Variants in LPAR3 observed in about 807,000 individuals in gnomAD.
LPAR3 encodes the protein LPA receptor 3.
In LPAR3, 7 loss-of-function variants were observed where a neutral mutation model predicts 17.8. The ratio of observed to expected loss-of-function variants is 0.39; its 90% CI spans 0.22 to 0.74. The LOEUF (loss-of-function observed/expected upper bound fraction) is 0.74. Among genes scored for constraint, LPAR3 ranks in the 30% least tolerant of loss-of-function variants. The pLI is 0.40. For synonymous variants in LPAR3, 179 were observed against 179.9 expected (o/e 0.99, Z 0.04); for missense variants, 391 against 453.4 (o/e 0.86, Z 1.25).
chr1:84,866,779 C>T (rs1266157886), intron 1 of LPAR3, among the ~76,000 whole-genome samples: 1 of 152,206 alleles, frequency 6.6e-6, no homozygotes, highest in African/African-American at 2.4e-5. Context: ...TTTCAACAAA[C>T]AACTCTGATA....
At chr1:84,828,108 ATCTC>A (rs1004998898) in intron 2 of LPAR3, among the ~76,000 whole-genome samples, 4 of 151,578 alleles carry the variant, frequency 2.6e-5, no homozygotes, top group African/African-American at 7.3e-5. Context: ...AAACACATTC[ATCTC>A]TCTCTCTCTC....
chr1:84,851,900 AT>A (rs1455693665), intron 2 of LPAR3, among the ~76,000 whole-genome samples: 1 of 152,174 alleles, frequency 6.6e-6, no homozygotes, highest in Non-Finnish European at 1.5e-5. Flanking sequence ...TTTTAGGAAA[AT>A]GCCTCAGCTG....
chr1:84,840,694 A>C (rs1378007603), intron 2 of LPAR3, among the ~76,000 whole-genome samples: 1 of 152,228 alleles, frequency 6.6e-6, no homozygotes, highest in Non-Finnish European at 1.5e-5. Context: ...AGTCATTGAC[A>C]TTGAAAAAAA....
intron 1 of LPAR3, among the ~76,000 whole-genome samples, chr1:84,891,208 CAA>C (rs1280387128): frequency 2.1e-4 from 32 of 149,640 alleles, no homozygotes; most frequent in Admixed American, 2.1e-3. Flanking sequence ...AAGGTTTAGA[CAA>C]GAGGAGTGTC....
chr1:84,813,158 T>TATATATATATAGAGAGAGAGAG lies in LPAR3; in HGVS notation c.*687_*688insCTCTCTCTCTCTATATATATAT. On this transcript the variant is annotated 3_prime_UTR_variant, in exon 3 of 3. Transcript: ENST00000370611. ...ATATATATATATATATATATATATA[T>TATATATATATAGAGAGAGAGAG]AGACACACACACACACACACACACA... 4 of 101,694 alleles carry TATATATATATAGAGAGAGAGAG rather than the reference T, an allele frequency of 3.9e-5. No homozygotes were observed. Among genetic ancestry groups the TATATATATATAGAGAGAGAGAG allele is most frequent in the East Asian group, 5.4e-4 (2 of 3,674 alleles). 6.3% of individuals were successfully genotyped at this position (101,694 alleles called of 1,614,324 possible).
At chr1:84,850,669 G>A (rs1313701609) in intron 2 of LPAR3, among the ~76,000 whole-genome samples, 1 of 152,190 alleles carries the variant, frequency 6.6e-6, no homozygotes, top group Non-Finnish European at 1.5e-5. Context: ...CCTAACCAAA[G>A]AAATCTTTCA....
At chr1:84,817,332 G>A (rs1449482016) in intron 2 of LPAR3, among the ~76,000 whole-genome samples, 1 of 151,508 alleles carries the variant, frequency 6.6e-6, no homozygotes, top group Non-Finnish European at 1.5e-5. Flanking sequence ...CTGTTTGAAT[G>A]TTCCTGACAT....
Position 84,865,428 on chromosome 1 carries a change from CCGG to C in LPAR3, c.690_692del (p.Arg232del). The C allele has an allele frequency of 1.2e-6, 2 of 1,614,010 alleles. No individual in the cohort carries two copies. The highest frequency in any genetic ancestry group is 3.3e-4 in the Middle Eastern group (2 of 6,062). On this transcript the variant is annotated inframe_deletion, in exon 2 of 3. Transcript: ENST00000370611. ...TCTTCATTAGCTTCATGGGTGTCCT[CCGG>C]CGGCTGATGGACCCACTTGTATGCG...
At chr1:84,830,283 C>T (rs1416796992) in intron 2 of LPAR3, among the ~76,000 whole-genome samples, 2 of 152,126 alleles carry the variant, frequency 1.3e-5, no homozygotes, top group Non-Finnish European at 2.9e-5. Flanking sequence ...CAAATAAACA[C>T]GCCCCCATTC....
intron 1 of LPAR3, among the ~76,000 whole-genome samples, chr1:84,868,435 C>A (rs143740328): frequency 3.8e-4 from 58 of 152,240 alleles, no homozygotes; most frequent in African/African-American, 1.3e-3. Context: ...TTAATTCTAC[C>A]AGCAGCATAT....
intron 2 of LPAR3, among the ~76,000 whole-genome samples, chr1:84,832,794 C>T (rs898787883): frequency 6.6e-6 from 1 of 152,150 alleles, no homozygotes; most frequent in African/African-American, 2.4e-5. Flanking sequence ...TTATTATAAC[C>T]TAGAACAGAA....
chr1:84,813,936 G>C lies in LPAR3; in HGVS notation c.972C>G (p.Pro324=). The C allele has an allele frequency of 6.2e-7, 1 of 1,614,188 alleles. No homozygotes were observed. Residue 324 remains proline (P), a synonymous_variant, in exon 3 of 3, where the codon CCC becomes CCG. Transcript: ENST00000370611. The stretch of plus-strand genomic sequence containing the variant: ...TGTCACTCCTGCTGAGGACTGTGGA[G>C]GGGATGCGAGAGGGACGCCTCTCTG... The part of the protein sequence containing the change: ...ENPERRPSRI[P]STVLSRSDTG...
chr1:84,832,135 C>T (rs1208817278), intron 2 of LPAR3, among the ~76,000 whole-genome samples: 1 of 152,034 alleles, frequency 6.6e-6, no homozygotes, highest in Non-Finnish European at 1.5e-5. Context: ...ATACAAGGAC[C>T]ACCTGCGCTA....
Position 84,817,098 on chromosome 1 carries a change from T to A in LPAR3, c.737-2927A>T, listed in dbSNP as rs1243072526. Among the ~76,000 whole-genome samples, 4 of 152,324 alleles carry A rather than the reference T, an allele frequency of 2.6e-5. No individual in the cohort carries two copies. In the East Asian group the frequency reaches 7.7e-4, roughly 29 times the overall value. ...AATGCTGAGAATTTTTTTTTTAAAG[T>A]AATCTGGGCATCACACAAACTCTTC... On this transcript the variant is annotated intron_variant, in intron 2 of 2. Transcript: ENST00000370611.
chr1:84,832,790 T>C lies in LPAR3; in HGVS notation c.737-18619A>G, dbSNP rs543446111. ...TCCTCTAATTTTGAACGTTTTATTA[T>C]AACCTAGAACAGAAGAGTGTGAGGC... On this transcript the variant is annotated intron_variant, in intron 2 of 2. Transcript: ENST00000370611. Among the ~76,000 whole-genome samples the C allele has an allele frequency of 1.3e-4, 20 of 152,304 alleles. No homozygotes were observed. The South Asian group carries it at 1.9e-3, about 14-fold the overall frequency.
intron 1 of LPAR3, among the ~76,000 whole-genome samples, chr1:84,875,541 AC>A (rs1307826100): frequency 6.6e-6 from 1 of 151,790 alleles, no homozygotes; most frequent in Non-Finnish European, 1.5e-5. Flanking sequence ...TCTCCCTTCC[AC>A]CCCTCCACCA....
chr1:84,846,298 T>G (rs1659594172), intron 2 of LPAR3, among the ~76,000 whole-genome samples: 1 of 152,204 alleles, frequency 6.6e-6, no homozygotes, highest in Non-Finnish European at 1.5e-5. Flanking sequence ...AATTTGTGTT[T>G]CCTTGAAAGT....
In LPAR3 at chr1:84,814,809, C is replaced by G. The variant is rs191679000; in HGVS notation, c.737-638G>C. Among the ~76,000 whole-genome samples, 228 of 152,272 alleles carry G rather than the reference C, an allele frequency of 1.5e-3. 1 individual carries two copies. Among genetic ancestry groups the G allele is most frequent in the African/African-American group, 5.2e-3 (218 of 41,544 alleles). ...CGGGCCATCTGCATAATCATCTGCTCTACATTTAGATTTTTTGGTCAGAAA... is the reference window on the plus strand; with the variant it reads ...CGGGCCATCTGCATAATCATCTGCTGTACATTTAGATTTTTTGGTCAGAAA... On this transcript the variant is annotated intron_variant, in intron 2 of 2. Coordinates refer to ENST00000370611, the MANE Select transcript of LPAR3 (RefSeq NM_012152.3).
At chr1:84,866,461 G>A (rs530743606) in intron 1 of LPAR3, among the ~76,000 whole-genome samples, 2 of 152,290 alleles carry the variant, frequency 1.3e-5, no homozygotes, top group African/African-American at 4.8e-5. Context: ...TAGGTTGGCT[G>A]GCTGGCTGAA....
Sources: allele counts gnomAD v4.1 joint callset (sites outside exome capture counted in the v4.1 genomes callset), GRCh38; gene constraint gnomAD v4.1.1; transcripts MANE v1.5; gene names NCBI Gene and HGNC (gene_info 2026-07-23, HGNC 2026-07-21).